ZNF300: variants seen among roughly 807,000 people sequenced by gnomAD.
ZNF300 encodes the protein zinc finger protein 300.
In ZNF300, 6 loss-of-function variants were observed where a neutral mutation model predicts 13.9. That is an observed-to-expected ratio of 0.43 (90% CI 0.24 to 0.85). The LOEUF is 0.85. ZNF300 is among the 40% of genes least tolerant of loss of function. The pLI, the probability that ZNF300 is intolerant of heterozygous loss-of-function variation, is 0.25. For missense variants in ZNF300, 662 were observed against 714.2 expected (o/e 0.93, Z 0.83); for synonymous variants, 237 against 242.2 (o/e 0.98, Z 0.20).
intron 3 of ZNF300, among the ~76,000 whole-genome samples, chr5:150,899,042 T>C (rs908190475): frequency 1.3e-5 from 2 of 151,896 alleles, no homozygotes; most frequent in South Asian, 2.1e-4. Context: ...AGGGGGAAAT[T>C]TGAACACAAA....
Position 150,894,621 on chromosome 5 carries a change from G to C in ZNF300, c.*803C>G, listed in dbSNP as rs966560316. The C allele has an allele frequency of 6.6e-6, 1 of 152,212 alleles. No homozygotes were observed. The highest frequency in any genetic ancestry group is 1.5e-5 in the Non-Finnish European group (1 of 67,996). 9.4% of individuals were successfully genotyped at this position (152,212 alleles called of 1,614,324 possible). On this transcript the variant is annotated 3_prime_UTR_variant, in exon 6 of 6. Transcript: ENST00000274599. ...AACATCTAATGCTTCAAGATAGAGAGTAAAGATTTAAAAAGTACTAATATT... is the reference window on the plus strand; with the variant it reads ...AACATCTAATGCTTCAAGATAGAGACTAAAGATTTAAAAAGTACTAATATT...
chr5:150,896,860 C>A lies in ZNF300; in HGVS notation c.379G>T (p.Val127Phe), dbSNP rs1754806897. 6.2e-7 allele frequency: 1 copy of A among 1,613,578 alleles called. No homozygotes were observed. Among genetic ancestry groups the A allele is most frequent in the African/African-American group, 1.3e-5 (1 of 74,884 alleles). ...RDGSLCSILK[V>F]CQGDGQLQRF... The stretch of plus-strand genomic sequence containing the variant: ...TGCAGCTGACCATCACCTTGACAGA[C>A]TTTTAAAATGGAGCACAATGAACCA... Residue 127 changes from valine to phenylalanine, a missense_variant, in exon 6 of 6, where the codon GTC becomes TTC. Transcript: ENST00000274599.
intron 3 of ZNF300, 110 bp from the exon 4 acceptor site, chr5:150,898,664 C>A: frequency 1.5e-6 from 2 of 1,290,484 alleles, no homozygotes; most frequent in Non-Finnish European, 1.0e-6. Context: ...TTGGGAAAAA[C>A]AAAATAAAAT....
At chr5:150,902,820 A>G (rs1755033338) in intron 3 of ZNF300, among the ~76,000 whole-genome samples, 2 of 152,362 alleles carry the variant, frequency 1.3e-5, no homozygotes, top group African/African-American at 4.8e-5. Flanking sequence ...CACCTCCTAG[A>G]GTAAAAGCCA....
At position 150,895,706 on chromosome 5, in the gene ZNF300, A is replaced by C; in HGVS notation, c.1533T>G (p.His511Gln). ...GTTTTTCTCCTGTGTGAATTCTCTGATGTCCAATGAGATGTGACTTCTGGC... is the reference window on the plus strand; with the variant it reads ...GTTTTTCTCCTGTGTGAATTCTCTGCTGTCCAATGAGATGTGACTTCTGGC... ...AFCQKSHLIG[H>Q]QRIHTGEKPY... The change falls in exon 6 of 6, where the codon CAT (histidine) becomes CAG (glutamine). Residue 511 changes from histidine (H) to glutamine (Q), a missense_variant. Transcript: ENST00000274599. 1 of 1,613,494 alleles carries C rather than the reference A, an allele frequency of 6.2e-7. No individual in the cohort carries two copies. The highest frequency in any genetic ancestry group is 1.3e-5 in the African/African-American group (1 of 74,958).
chr5:150,901,897 C>CAGTA (rs1755006622), intron 3 of ZNF300, among the ~76,000 whole-genome samples: 1 of 152,098 alleles, frequency 6.6e-6, no homozygotes, highest in African/African-American at 2.4e-5. Flanking sequence ...TTATATTGGA[C>CAGTA]AGTAAGTTAA....
At chr5:150,901,408 T>C (rs576193382) in intron 3 of ZNF300, among the ~76,000 whole-genome samples, 12 of 152,250 alleles carry the variant, frequency 7.9e-5, no homozygotes, top group African/African-American at 2.6e-4. Flanking sequence ...AAATCTGGTA[T>C]GTACTTAACA....
At position 150,896,029 on chromosome 5, in the gene ZNF300, T is replaced by A. The variant is rs770077751; in HGVS notation, c.1210A>T (p.Thr404Ser). 4 of 1,613,536 alleles carry A rather than the reference T, an allele frequency of 2.5e-6. No individual in the cohort carries two copies. The South Asian group carries it at 3.3e-5, about 13-fold the overall frequency. Residue 404 changes from threonine to serine, a missense_variant, in exon 6 of 6, where the codon ACT becomes TCT. Thr to Ser is a moderately conservative substitution (Grantham distance 58). Coordinates refer to ENST00000274599, the MANE Select transcript of ZNF300 (RefSeq NM_052860.4). ...GTACACTCATACGGCTTCTCTCCAG[T>A]ATGAGCTCTGTGGTGTATAATCAGC... ...SQLIIHHRAH[T>S]GEKPYECTEC...
chr5:150,902,339 G>C (rs981206254), intron 3 of ZNF300, among the ~76,000 whole-genome samples: 1 of 152,086 alleles, frequency 6.6e-6, no homozygotes, highest in Non-Finnish European at 1.5e-5. Flanking sequence ...TTTAAGAATG[G>C]CTTTTTTGAG....
Position 150,895,672 on chromosome 5 carries a change from AT to A in ZNF300, c.1566del (p.Cys523ValfsTer70). 6.2e-7 allele frequency: 1 copy of A among 1,613,422 alleles called. No individual in the cohort carries two copies. Among genetic ancestry groups the A allele is most frequent in the Non-Finnish European group, 8.5e-7 (1 of 1,179,756 alleles). On this transcript the variant is annotated frameshift_variant, in exon 6 of 6. Transcript: ENST00000274599. LOFTEE classifies it low-confidence loss of function (END_TRUNC). Reference protein sequence around the residue: ...QRIHTGEKPYICTECGKAFSQ... With the variant: ...QRIHTGEKPYXCTECGKAFSQ... ...GAGAAGGCTTTCCCACATTCAGTAC[AT>A]ATATAAGGTTTTTCTCCTGTGTGAA...
At chr5:150,902,028 G>T (rs556841135) in intron 3 of ZNF300, among the ~76,000 whole-genome samples, 1 of 152,236 alleles carries the variant, frequency 6.6e-6, no homozygotes, top group East Asian at 1.9e-4. Flanking sequence ...ATCAATCACA[G>T]TTATATTCAT....
chr5:150,896,033 A>C lies in ZNF300; in HGVS notation c.1206T>G (p.Ala402=). Residue 402 remains alanine, a synonymous_variant, in exon 6 of 6, where the codon GCT becomes GCG. Transcript: ENST00000274599. ...QKSQLIIHHR[A]HTGEKPYECT... is the part of the protein sequence containing the mutation. ...ACTCATACGGCTTCTCTCCAGTATG[A>C]GCTCTGTGGTGTATAATCAGCTGTG... The C allele has an allele frequency of 1.9e-6, 3 of 1,613,272 alleles. No individual in the cohort carries two copies. The highest frequency in any genetic ancestry group is 2.5e-6 in the Non-Finnish European group (3 of 1,179,736).
rs986174641 is a variant in ZNF300, at chr5:150,901,426, A to G, written c.15+1715T>C. 2.0e-5 allele frequency among the ~76,000 whole-genome samples: 3 copies of G among 152,118 alleles called. No homozygotes were observed. The East Asian group carries it at 5.8e-4, about 29-fold the overall frequency. On this transcript the variant is annotated intron_variant, in intron 3 of 5. Coordinates refer to ENST00000274599, the MANE Select transcript of ZNF300 (RefSeq NM_052860.4). ...TCTGGTATGTACTTAACATATCTCAATTCAGACTAGCCAATTTCAAGTGTT... is the reference window on the plus strand; with the variant it reads ...TCTGGTATGTACTTAACATATCTCAGTTCAGACTAGCCAATTTCAAGTGTT...
intron 5 of ZNF300, 28 bp from the exon 6 acceptor site, chr5:150,897,001 A>C: frequency 6.5e-7 from 1 of 1,545,392 alleles, no homozygotes; most frequent in African/African-American, 1.4e-5. Flanking sequence ...ACAATTTAAG[A>C]GTCATCACAA....
In ZNF300 at chr5:150,903,408, G is replaced by A. The variant is rs1755051531; in HGVS notation, c.-27-226C>T. ...CCTATAATATGATCACATAGAAGTT[G>A]ACCAAGGTTTTATAATTGGATAGAT... On this transcript the variant is annotated intron_variant, in intron 2 of 5. Transcript: ENST00000274599. The A allele has an allele frequency of 2.0e-6, 3 of 1,507,206 alleles. No homozygotes were observed. In the South Asian group the frequency reaches 3.6e-5, roughly 18 times the overall value. The allele number at this position is 1,507,206 out of a possible 1,614,324, so 93.4% of individuals were successfully genotyped here. A position where few individuals can be genotyped will look rare whatever the true frequency, so the allele number is the denominator to read the frequency against.
In ZNF300 at chr5:150,895,823, C is replaced by CT; in HGVS notation, c.1415dup (p.Thr473AspfsTer22). ...TGAGCTGTGACTTGCGGGAGAATGT[C>CT]TTTCCACATTCAGTACATTCATAAG... On this transcript the variant is annotated frameshift_variant, in exon 6 of 6. Coordinates refer to ENST00000274599, the MANE Select transcript of ZNF300 (RefSeq NM_052860.4). LOFTEE classifies it low-confidence loss of function (END_TRUNC). 3 of 1,613,624 alleles carry CT rather than the reference C, an allele frequency of 1.9e-6. No homozygotes were observed. Among genetic ancestry groups the CT allele is most frequent in the Non-Finnish European group, 2.5e-6 (3 of 1,179,840 alleles).
At chr5:150,900,779 A>G (rs900830599) in intron 3 of ZNF300, 2 of 151,862 alleles carry the variant, frequency 1.3e-5, no homozygotes, top group Non-Finnish European at 2.9e-5. Context: ...TCTGAAGAAA[A>G]GTAACATAAG....
At chr5:150,901,409 G>A (rs1754991579) in intron 3 of ZNF300, among the ~76,000 whole-genome samples, 1 of 152,010 alleles carries the variant, frequency 6.6e-6, no homozygotes, top group Non-Finnish European at 1.5e-5. Flanking sequence ...AATCTGGTAT[G>A]TACTTAACAT....
At chr5:150,897,101 C>G in intron 5 of ZNF300, 128 bp from the exon 6 acceptor site, 1 of 674,744 alleles carries the variant, frequency 1.5e-6, no homozygotes, top group South Asian at 2.0e-5. Flanking sequence ...CAGGTCATCT[C>G]AGAAGACAGT....
Sources: gnomAD v4.1 joint callset for allele counts (sites outside exome capture counted in the v4.1 genomes callset) on GRCh38, gnomAD v4.1.1 for gene constraint, MANE v1.5 for transcripts, NCBI Gene and HGNC (gene_info 2026-07-23, HGNC 2026-07-21) for gene names.